GLB1: variants seen among roughly 807,000 people sequenced by gnomAD.
GLB1 encodes the protein galactosidase beta 1.
GLB1 carries 56 observed loss-of-function variants against 74.0 expected under a neutral mutation model. The observed-to-expected ratio is 0.76, with a 90% CI of 0.61 to 0.94. The LOEUF (loss-of-function observed/expected upper bound fraction) is 0.94, where lower values mean the gene tolerates loss of function less well. Among genes scored for constraint, GLB1 ranks in the 40% least tolerant of loss-of-function variants. GLB1 has a pLI of 0.00. For synonymous variants in GLB1, 323 were observed against 323.6 expected, an observed-to-expected ratio of 1.00 and a Z score of 0.02; for missense variants, 787 against 845.5, an observed-to-expected ratio of 0.93 and a Z score of 0.86.
intron 1 of GLB1, chr3:33,096,739 C>A: frequency 7.7e-7 from 1 of 1,296,314 alleles, no homozygotes; most frequent in Non-Finnish European, 9.8e-7. Flanking sequence ...CACCTCGTTA[C>A]AGATGGGGAA....
rs1481280238 is a variant in GLB1 at position 33,024,229 on chromosome 3, TTC to T, written c.1143+20_1143+21del. On this transcript the variant is annotated intron_variant, in intron 11 of 15. Coordinates refer to ENST00000307363, the MANE Select transcript of GLB1 (RefSeq NM_000404.4). Reference sequence around the variant, plus strand: ...CACTCCCATCTCTCACTTTCAAAGTTTCTGTTATTTTTTTTTCTTACCTTTTC... The same window carrying T: ...CACTCCCATCTCTCACTTTCAAAGTTTGTTATTTTTTTTTCTTACCTTTTC... 3.8e-6 allele frequency: 6 copies of T among 1,599,926 alleles called. No homozygotes were observed. In the South Asian group the frequency reaches 4.5e-5, roughly 12 times the overall value.
chr3:33,081,152 G>A (rs1700309326), intron 1 of GLB1, among the ~76,000 whole-genome samples: 1 of 152,184 alleles, frequency 6.6e-6, no homozygotes, highest in African/African-American at 2.4e-5. Context: ...GATGGGCTCA[G>A]GTGAGCCATC....
intron 12 of GLB1, among the ~76,000 whole-genome samples, chr3:33,019,920 T>C (rs1460709810): frequency 6.6e-6 from 1 of 152,080 alleles, no homozygotes. Flanking sequence ...GCCCCAGATC[T>C]GAAAGAGCCA....
At chr3:33,007,674 G>T (rs1487204073) in intron 15 of GLB1, among the ~76,000 whole-genome samples, 1 of 152,194 alleles carries the variant, frequency 6.6e-6, no homozygotes, top group Admixed American at 6.5e-5. Flanking sequence ...GCAATGAACA[G>T]TTGTGTACAA....
At chr3:33,078,003 T>C (rs563800988) in intron 1 of GLB1, among the ~76,000 whole-genome samples, 2 of 151,706 alleles carry the variant, frequency 1.3e-5, no homozygotes, top group East Asian at 3.9e-4. Context: ...GATAAATTAG[T>C]CTAAAAAAAA....
At chr3:33,044,337 A>G (rs1234541609) in intron 10 of GLB1, among the ~76,000 whole-genome samples, 4 of 152,206 alleles carry the variant, frequency 2.6e-5, no homozygotes, top group Non-Finnish European at 5.9e-5. Flanking sequence ...ATCAAAATAG[A>G]TATGTTTAGA....
chr3:33,077,196 C>G, intron 1 of GLB1: 1 of 1,496,858 alleles, frequency 6.7e-7, no homozygotes, highest in Non-Finnish European at 9.0e-7. Context: ...GAGACTTAGG[C>G]GCTTGCCGTG....
chr3:33,094,091 A>G, intron 1 of GLB1: 1 of 1,614,282 alleles, frequency 6.2e-7, no homozygotes, highest in Non-Finnish European at 8.5e-7. Flanking sequence ...CCCTGAGCTC[A>G]AGGCTCTCTG....
chr3:33,047,483 G>A (rs1254970688), intron 9 of GLB1, among the ~76,000 whole-genome samples: 1 of 152,214 alleles, frequency 6.6e-6, no homozygotes, highest in Non-Finnish European at 1.5e-5. Context: ...TCCAGGTGAC[G>A]CTGATGCTGC....
chr3:33,035,972 C>T (rs1379643492), intron 10 of GLB1, among the ~76,000 whole-genome samples: 1 of 152,094 alleles, frequency 6.6e-6, no homozygotes, highest in African/African-American at 2.4e-5. Flanking sequence ...GACAGTGTCA[C>T]CTGTACATTA....
rs1273095324 is a variant in GLB1 at position 33,097,016 on chromosome 3, A to G, written c.70T>C (p.Leu24=). Residue 24 remains leucine, a synonymous_variant, in exon 1 of 16, where the codon TTG becomes CTG. Coordinates refer to ENST00000307363, the MANE Select transcript of GLB1 (RefSeq NM_000404.4). ...VLLLLGPTRG[L]RNATQRMFEI... ...CCCGGGTCCCGCAGACTTACGCGCAAGCCGCGCGTAGGGCCCAGAAGCAGC... is the reference window on the plus strand; with the variant it reads ...CCCGGGTCCCGCAGACTTACGCGCAGGCCGCGCGTAGGGCCCAGAAGCAGC... 6.2e-7 allele frequency: 1 copy of G among 1,612,058 alleles called. No individual in the cohort carries two copies. The highest frequency in any genetic ancestry group is 1.1e-5 in the South Asian group (1 of 90,854).
rs564428355 is a variant in GLB1, at chr3:33,018,470, C to T, written c.1325G>A (p.Arg442Gln). 3.1e-5 allele frequency: 50 copies of T among 1,614,032 alleles called. No homozygotes were observed. The South Asian group carries it at 3.3e-4, about 11-fold the overall frequency. Residue 442 changes from arginine to glutamine, a missense_variant, in exon 13 of 16, where the codon CGA becomes CAA. By Grantham distance (43) the Arg-to-Gln change is conservative (BLOSUM62 1). Transcript: ENST00000307363. ...TACCCCATCCACAGCAACATATGCTCGATCGTGGACTCCATTGAGGGGTGA... is the reference window on the plus strand; with the variant it reads ...TACCCCATCCACAGCAACATATGCTTGATCGTGGACTCCATTGAGGGGTGA... ...LSSPLNGVHD[R>Q]AYVAVDGIPQ...
At chr3:33,030,641 G>C (rs1354334135) in intron 10 of GLB1, 1 of 985,202 alleles carries the variant, frequency 1.0e-6, no homozygotes, top group Non-Finnish European at 1.2e-6. Flanking sequence ...TTGAAGTACA[G>C]AAAAAATCAC....
At position 33,046,214 on chromosome 3, in the gene GLB1, G is replaced by T; in HGVS notation, c.974C>A (p.Ala325Glu). Residue 325 changes from alanine to glutamate, a missense_variant, in exon 10 of 16, where the codon GCA becomes GAA. Ala to Glu is a moderately radical substitution (Grantham distance 107). Coordinates refer to ENST00000307363, the MANE Select transcript of GLB1 (RefSeq NM_000404.4). ...ATAGTCGTAGCTGGTGGGCTGTGCT[G>T]CATAGGGTGAGTTGGCCCCTAGAAG... ...AYWNGANSPY[A>E]AQPTSYDYDA... The T allele has an allele frequency of 6.2e-7, 1 of 1,613,996 alleles. No individual in the cohort carries two copies.
the GLB1 span, among the ~76,000 whole-genome samples, chr3:32,981,420 A>G: frequency 2.3e-3 from 343 of 150,474 alleles, 3 homozygotes; most frequent in African/African-American, 8.1e-3. Context: ...AAAAAAAGAA[A>G]AAGAAAAAGA....
chr3:33,019,085 C>G (rs1697362027), intron 12 of GLB1, among the ~76,000 whole-genome samples: 1 of 152,140 alleles, frequency 6.6e-6, no homozygotes, highest in Non-Finnish European at 1.5e-5. Context: ...TGGGGAGGAT[C>G]TCTTGAGCCC....
At chr3:33,022,195 G>A (rs1457650149) in intron 11 of GLB1, among the ~76,000 whole-genome samples, 1 of 152,110 alleles carries the variant, frequency 6.6e-6, no homozygotes, top group African/African-American at 2.4e-5. Flanking sequence ...CAGACTGTCA[G>A]CTCCTTAAGG....
intron 5 of GLB1, among the ~76,000 whole-genome samples, chr3:33,063,680 A>T (rs1339233426): frequency 6.6e-6 from 1 of 152,282 alleles, no homozygotes; most frequent in East Asian, 1.9e-4. Flanking sequence ...GCATCAAAAG[A>T]GGGTTTGCAC....
chr3:33,085,478 C>A (rs978424505), intron 1 of GLB1, among the ~76,000 whole-genome samples: 1 of 151,892 alleles, frequency 6.6e-6, no homozygotes, highest in Non-Finnish European at 1.5e-5. Context: ...TACTAGTATA[C>A]ACTTATGATT....
Sources: allele counts gnomAD v4.1 joint callset (sites outside exome capture counted in the v4.1 genomes callset), GRCh38; gene constraint gnomAD v4.1.1; transcripts MANE v1.5; gene names NCBI Gene and HGNC (gene_info 2026-07-23, HGNC 2026-07-21).